Variants in ARL10 observed in about 807,000 individuals in gnomAD.
ARL10 encodes ADP-ribosylation factor-like protein 10.
In ARL10, 23 loss-of-function variants were observed where a neutral mutation model predicts 26.1. The observed-to-expected ratio is 0.88, with a 90% CI of 0.63 to 1.25. The LOEUF (loss-of-function observed/expected upper bound fraction) is 1.25. Ranked by LOEUF, ARL10 falls within the 50% of genes most tolerant of loss-of-function variation. ARL10 has a pLI of 0.00. For missense variants in ARL10, 300 were observed against 323.6 expected, an observed-to-expected ratio of 0.93 and a Z score of 0.56; for synonymous variants, 138 against 149.1, an observed-to-expected ratio of 0.93 and a Z score of 0.54.
At chr5:176,388,763 C>G (rs921382613), downstream of ARL10, 5 of 1,589,322 alleles carry the variant, frequency 3.1e-6, no homozygotes, top group Non-Finnish European at 4.3e-6. Context: ...CTTTCATGAC[C>G]TTCACCGGGA....
At chr5:176,392,893 C>T, downstream of ARL10, 1 of 1,614,232 alleles carries the variant, frequency 6.2e-7, no homozygotes. The surrounding 1 kb of genome is among the most constrained non-coding windows in gnomAD (Gnocchi z 5.2). Flanking sequence ...TTCTCCCACT[C>T]TGTGCCTGGG....
At chr5:176,403,288 G>C (rs886339648), downstream of ARL10, among the ~76,000 whole-genome samples, 1 of 152,082 alleles carries the variant, frequency 6.6e-6, no homozygotes, top group Non-Finnish European at 1.5e-5. Context: ...GATCTCAGGT[G>C]ATCCACCCAC....
the ARL10 span, among the ~76,000 whole-genome samples, chr5:176,411,794 C>T: frequency 5.3e-5 from 8 of 152,162 alleles, no homozygotes; most frequent in Admixed American, 5.2e-4. Context: ...TCCCACCAGC[C>T]CATCCCACAA....
intron 1 of ARL10, among the ~76,000 whole-genome samples, chr5:176,395,980 CAA>C (rs1756503289): frequency 6.6e-6 from 1 of 152,132 alleles, no homozygotes; most frequent in South Asian, 2.1e-4. Context: ...ACTAAAAATA[CAA>C]AAGTTAGCCG....
At chr5:176,398,039 G>A (rs576802683) in intron 1 of ARL10, 14 of 1,613,822 alleles carry the variant, frequency 8.7e-6, no homozygotes, top group South Asian at 1.1e-5. Flanking sequence ...CAGCAGGACC[G>A]TTGGCCTCCT....
At chr5:176,388,159 C>A in intron 1 of ARL10, 3 of 1,118,168 alleles carry the variant, frequency 2.7e-6, no homozygotes, top group South Asian at 2.7e-5. Flanking sequence ...TGGGCAGTAC[C>A]ACGTTCTGAC....
downstream of ARL10, among the ~76,000 whole-genome samples, chr5:176,404,714 G>A (rs369015822): frequency 1.8e-4 from 27 of 152,278 alleles, no homozygotes; most frequent in African/African-American, 6.5e-4. Flanking sequence ...GGCTATGCAG[G>A]GCTCACCCGA....
downstream of ARL10, among the ~76,000 whole-genome samples, chr5:176,403,515 C>T (rs1003600952): frequency 1.1e-4 from 16 of 151,850 alleles, no homozygotes; most frequent in African/African-American, 2.4e-4. Flanking sequence ...AGTGCAGTGA[C>T]GTGATCTCGG....
downstream of ARL10, chr5:176,384,735 A>C: frequency 2.8e-6 from 1 of 355,176 alleles, no homozygotes; most frequent in Non-Finnish European, 5.1e-6. Context: ...ACACCACTGA[A>C]CTCCACCCTG....
In ARL10 at chr5:176,368,147, C is replaced by A; in HGVS notation, c.386-660C>A. On this transcript the variant is annotated intron_variant, in intron 2 of 3. Transcript: ENST00000310389. The surrounding 1 kb of genome is among the most constrained non-coding windows in gnomAD (Gnocchi z 4.1). ...TGACCAATGGGACTGTGCAGAGGAG[C>A]AGAGAGGAAAAGAAAGGTGATCCAG... The A allele has an allele frequency of 2.5e-6, 1 of 406,132 alleles. No individual in the cohort carries two copies. Among genetic ancestry groups the A allele is most frequent in the Non-Finnish European group, 4.8e-6 (1 of 206,706 alleles). 25.2% of individuals were successfully genotyped at this position (406,132 alleles called of 1,614,324 possible). A position where few individuals can be genotyped will look rare whatever the true frequency, so the allele number is the denominator to read the frequency against.
chr5:176,385,156 GC>G, downstream of ARL10: 2 of 874,060 alleles, frequency 2.3e-6, no homozygotes, highest in Non-Finnish European at 4.0e-6. Context: ...TGCTGCGCAA[GC>G]AGATCAAGCC....
chr5:176,405,582 C>T (rs1456202503), downstream of ARL10: 2 of 151,952 alleles, frequency 1.3e-5, no homozygotes, highest in Non-Finnish European at 2.9e-5. Flanking sequence ...CCTCCATATC[C>T]GTTTATTCAC....
the ARL10 span, among the ~76,000 whole-genome samples, chr5:176,414,433 T>A: frequency 2.4e-5 from 1 of 41,414 alleles, no homozygotes; most frequent in East Asian, 8.4e-4. Context: ...CTATAGAATC[T>A]TTTTTTTTTT....
downstream of ARL10, among the ~76,000 whole-genome samples, chr5:176,382,616 T>A (rs1755579915): frequency 6.6e-6 from 1 of 152,100 alleles, no homozygotes; most frequent in Non-Finnish European, 1.5e-5. Flanking sequence ...TTACCATCCC[T>A]CTGAAGAGAG....
At position 176,374,820 on chromosome 5, in the gene ARL10, AAACC is replaced by A. The variant is rs1370896482; in HGVS notation, c.*2931_*2934del. On this transcript the variant is annotated 3_prime_UTR_variant, in exon 4 of 4. Coordinates refer to ENST00000310389, the MANE Select transcript of ARL10 (RefSeq NM_173664.6). ...GCTGTCTACCATTCAGGATGCCTGC[AAACC>A]AACCACTAGCTGCTCCTGCAAACAC... 3.9e-5 allele frequency: 6 copies of A among 152,214 alleles called. No individual in the cohort carries two copies. The highest frequency in any genetic ancestry group is 8.8e-5 in the Non-Finnish European group (6 of 68,038). 9.4% of individuals were successfully genotyped at this position (152,214 alleles called of 1,614,324 possible). A position where few individuals can be genotyped will look rare whatever the true frequency, so the allele number is the denominator to read the frequency against.
At position 176,365,644 on chromosome 5, in the gene ARL10, C is replaced by G; in HGVS notation, c.81C>G (p.Leu27=). Residue 27 remains leucine (L), a synonymous_variant, in exon 1 of 4, where the codon CTC becomes CTG. Coordinates refer to ENST00000310389, the MANE Select transcript of ARL10 (RefSeq NM_173664.6). ...AAVLGSVLFI[L]WKTYFGRGRE... ...TGCTGGGCTCGGTGCTCTTCATCCTCTGGAAGACCTACTTCGGCCGCGGCC... is the reference window on the plus strand; with the variant it reads ...TGCTGGGCTCGGTGCTCTTCATCCTGTGGAAGACCTACTTCGGCCGCGGCC... 1 of 1,257,508 alleles carries G rather than the reference C, an allele frequency of 8.0e-7. No homozygotes were observed. The highest frequency in any genetic ancestry group is 1.0e-6 in the Non-Finnish European group (1 of 1,000,788). 77.9% of individuals were successfully genotyped at this position (1,257,508 alleles called of 1,614,324 possible). A position where few individuals can be genotyped will look rare whatever the true frequency, so the allele number is the denominator to read the frequency against.
chr5:176,367,758 T>C (rs575233180), intron 2 of ARL10, among the ~76,000 whole-genome samples: 8 of 152,350 alleles, frequency 5.3e-5, no homozygotes, highest in Admixed American at 1.3e-4. Flanking sequence ...GCCACTTCCT[T>C]GATGAGACCT....
At chr5:176,383,756 G>A (rs1452638951), downstream of ARL10, among the ~76,000 whole-genome samples, 1 of 152,234 alleles carries the variant, frequency 6.6e-6, no homozygotes, top group Non-Finnish European at 1.5e-5. Context: ...CTGTAGAGTT[G>A]AGAGGAACTG....
chr5:176,399,095 C>T (rs781162817), intron 1 of ARL10, among the ~76,000 whole-genome samples: 6 of 152,266 alleles, frequency 3.9e-5, no homozygotes, highest in Middle Eastern at 3.4e-3. Flanking sequence ...CCACCGGCCT[C>T]GGCCTCCCCA....
Sources: gnomAD v4.1 joint callset for allele counts (sites outside exome capture counted in the v4.1 genomes callset) on GRCh38, gnomAD v4.1.1 for gene constraint, Gnocchi (gnomAD v3.1) non-coding constraint, MANE v1.5 for transcripts, NCBI Gene and HGNC (gene_info 2026-07-23, HGNC 2026-07-21) for gene names.